The following ADGRB3 variants were observed in gnomAD, a reference collection of about 807,000 sequenced individuals.
The protein encoded by ADGRB3 is adhesion G protein-coupled receptor B3.
ADGRB3 carries 37 observed loss-of-function variants against 193.4 expected under a neutral mutation model. The ratio of observed to expected loss-of-function variants is 0.19; its 90% CI spans 0.15 to 0.25. The LOEUF is 0.25. Ranked by LOEUF, ADGRB3 falls within the 10% of genes least tolerant of loss-of-function variation. ADGRB3 has a pLI of 1.00. For missense variants in ADGRB3, 1,637 were observed against 1,852.9 expected (o/e 0.88, Z 2.14); for synonymous variants, 690 against 644.2 (o/e 1.07, Z -1.08).
At chr6:69,334,894 CT>C (rs1369104079) in intron 24 of ADGRB3, among the ~76,000 whole-genome samples, 1 of 152,104 alleles carries the variant, frequency 6.6e-6, no homozygotes, top group Non-Finnish European at 1.5e-5. Context: ...AAAATAACCC[CT>C]GCCTCATAGA....
In ADGRB3 at chr6:69,375,335, T is replaced by C. The variant is rs182181648; in HGVS notation, c.4275+2894T>C. 3.5e-4 allele frequency among the ~76,000 whole-genome samples: 54 copies of C among 152,114 alleles called. 2 individuals carry two copies. In the East Asian group the frequency reaches 9.5e-3, roughly 27 times the overall value. Reference sequence around the variant, plus strand: ...GGTGAAGTAGAAATACCAATTAGGATTGGCTAGTATAGTAGGTAATGAAAG... The same window carrying C: ...GGTGAAGTAGAAATACCAATTAGGACTGGCTAGTATAGTAGGTAATGAAAG... On this transcript the variant is annotated intron_variant, in intron 30 of 31. Transcript: ENST00000370598.
At chr6:68,920,921 G>T (rs1289185303) in intron 3 of ADGRB3, among the ~76,000 whole-genome samples, 2 of 152,118 alleles carry the variant, frequency 1.3e-5, no homozygotes, top group African/African-American at 4.8e-5. Context: ...TTATTGTCTT[G>T]GTTGGAAAAG....
intron 17 of ADGRB3, among the ~76,000 whole-genome samples, chr6:69,186,109 G>T (rs548593346): frequency 6.7e-6 from 1 of 148,396 alleles, no homozygotes; most frequent in African/African-American, 2.5e-5. Flanking sequence ...GCTCAGAGGG[G>T]TAAAAGAAAC....
At chr6:69,145,501 T>G (rs1232910032) in intron 17 of ADGRB3, among the ~76,000 whole-genome samples, 1 of 152,174 alleles carries the variant, frequency 6.6e-6, no homozygotes, top group Non-Finnish European at 1.5e-5. Context: ...TCTTCTCTCC[T>G]TTTCATTGCC....
intron 3 of ADGRB3, among the ~76,000 whole-genome samples, chr6:68,758,121 C>A (rs1027732664): frequency 7.9e-5 from 12 of 151,982 alleles, no homozygotes; most frequent in African/African-American, 2.9e-4. Flanking sequence ...TTCTTTTAAG[C>A]CTCATTTATT....
chr6:69,237,131 T>C (rs116275686), intron 19 of ADGRB3, among the ~76,000 whole-genome samples: 3 of 152,066 alleles, frequency 2.0e-5, no homozygotes, highest in Non-Finnish European at 2.9e-5. Flanking sequence ...CCCCACACAA[T>C]TGTGAAGTAT....
At chr6:69,282,031 C>T (rs1466568429) in intron 20 of ADGRB3, among the ~76,000 whole-genome samples, 1 of 152,066 alleles carries the variant, frequency 6.6e-6, no homozygotes, top group Non-Finnish European at 1.5e-5. Context: ...AAAAGTCTGG[C>T]TCGCATTGTG....
intron 3 of ADGRB3, among the ~76,000 whole-genome samples, chr6:68,875,398 A>G (rs1765571638): frequency 6.6e-6 from 1 of 151,474 alleles, no homozygotes; most frequent in Non-Finnish European, 1.5e-5. Context: ...GGAAGCATGA[A>G]AGTGAGCCAT....
chr6:69,345,847 T>G (rs912961364), intron 26 of ADGRB3, among the ~76,000 whole-genome samples: 1 of 152,182 alleles, frequency 6.6e-6, no homozygotes, highest in Admixed American at 6.5e-5. Context: ...ATTGCATATT[T>G]AGAAAACCCT....
intron 3 of ADGRB3, among the ~76,000 whole-genome samples, chr6:68,721,761 C>T (rs1027600579): frequency 1.3e-5 from 2 of 149,954 alleles, no homozygotes; most frequent in Non-Finnish European, 3.0e-5. Flanking sequence ...GAAAGCTCTA[C>T]TTTAAATGGG....
In ADGRB3 at chr6:69,187,443, C is replaced by G. The variant is rs564368659; in HGVS notation, c.2481-45847C>G. The stretch of plus-strand genomic sequence containing the variant: ...AAAATGATGGTATCTGGCAGTACTA[C>G]TAGACAATAATCTGTATTACAGGTC... On this transcript the variant is annotated intron_variant, in intron 17 of 31. Transcript: ENST00000370598. Among the ~76,000 whole-genome samples the G allele has an allele frequency of 2.6e-5, 4 of 152,216 alleles. No homozygotes were observed. The South Asian group carries it at 8.3e-4, about 32-fold the overall frequency.
At chr6:69,009,039 C>T (rs1240902277) in intron 11 of ADGRB3, among the ~76,000 whole-genome samples, 1 of 151,824 alleles carries the variant, frequency 6.6e-6, no homozygotes, top group African/African-American at 2.4e-5. Context: ...AAAAAAAATC[C>T]ATGAATGCTT....
chr6:69,001,258 G>A (rs1270896009), intron 11 of ADGRB3, among the ~76,000 whole-genome samples: 4 of 152,116 alleles, frequency 2.6e-5, no homozygotes, highest in African/African-American at 9.7e-5. Flanking sequence ...GTGTAAGAAT[G>A]GCATGTCCAT....
rs188629395 is a variant in ADGRB3, at chr6:68,644,020, A to G, written c.757+4588A>G. 8.6e-4 allele frequency among the ~76,000 whole-genome samples: 129 copies of G among 150,780 alleles called. 1 individual carries two copies. The highest frequency in any genetic ancestry group is 3.4e-3 in the Middle Eastern group (1 of 294). ...TAAACAAACAAACAAACAACAAACA[A>G]AAAAAAAACCCTGAGGCTTTCAATT... On this transcript the variant is annotated intron_variant, in intron 3 of 31. Coordinates refer to ENST00000370598, the MANE Select transcript of ADGRB3 (RefSeq NM_001704.3).
intron 17 of ADGRB3, among the ~76,000 whole-genome samples, chr6:69,230,244 T>C (rs1004831309): frequency 3.3e-5 from 5 of 152,196 alleles, no homozygotes; most frequent in African/African-American, 7.2e-5. Flanking sequence ...ATATCTTTAA[T>C]TTTCATGTAT....
At chr6:69,030,067 C>A (rs1015437676) in intron 13 of ADGRB3, among the ~76,000 whole-genome samples, 1 of 151,260 alleles carries the variant, frequency 6.6e-6, no homozygotes, top group Non-Finnish European at 1.5e-5. Context: ...CAATGAGATA[C>A]CATCCCATGC....
intron 3 of ADGRB3, among the ~76,000 whole-genome samples, chr6:68,900,584 T>A (rs932759375): frequency 1.3e-5 from 2 of 152,248 alleles, no homozygotes; most frequent in Admixed American, 1.3e-4. Context: ...TCAGTCAGTG[T>A]CCTTCCCCAG....
chr6:69,103,625 G>A (rs960431078), intron 17 of ADGRB3, among the ~76,000 whole-genome samples: 17 of 151,790 alleles, frequency 1.1e-4, no homozygotes, highest in Admixed American at 8.5e-4. Flanking sequence ...ACTCTTTCCT[G>A]TGGCTTTTAT....
At chr6:68,639,769 A>G (rs1322254171) in intron 3 of ADGRB3, among the ~76,000 whole-genome samples, 2 of 152,020 alleles carry the variant, frequency 1.3e-5, no homozygotes, top group African/African-American at 4.8e-5. Context: ...TCATGGTGAC[A>G]CACACACGCC....
Sources: gnomAD v4.1 joint callset for allele counts (sites outside exome capture counted in the v4.1 genomes callset) on GRCh38, gnomAD v4.1.1 for gene constraint, MANE v1.5 for transcripts, NCBI Gene and HGNC (gene_info 2026-07-23, HGNC 2026-07-21) for gene names.